Variants in RHOT1 observed in about 807,000 individuals in gnomAD.
The protein encoded by RHOT1 is ras homolog family member T1.
Under a neutral mutation model 95.3 loss-of-function variants are expected in RHOT1, and 27 were observed. The ratio of observed to expected loss-of-function variants is 0.28; its 90% CI spans 0.21 to 0.39. RHOT1 has a LOEUF of 0.39. Among genes scored for constraint, RHOT1 ranks in the 10% least tolerant of loss-of-function variants. RHOT1 has a pLI of 1.00. For synonymous variants in RHOT1, 227 were observed against 263.5 expected (o/e 0.86, Z 1.34); for missense variants, 578 against 786.7 (o/e 0.73, Z 3.17).
chr17:32,188,374 T>G (rs1301211292), intron 8 of RHOT1, among the ~76,000 whole-genome samples: 1 of 152,238 alleles, frequency 6.6e-6, no homozygotes, highest in Non-Finnish European at 1.5e-5. Flanking sequence ...TGGAATTGAT[T>G]AATCTGCAGT....
At chr17:32,209,431 T>C in intron 18 of RHOT1, 2 of 1,602,612 alleles carry the variant, frequency 1.2e-6, no homozygotes, top group Non-Finnish European at 1.7e-6. Context: ...TCTGGGTCTT[T>C]CTAAAAACTG....
At chr17:32,200,863 C>A (rs1238162591) in intron 13 of RHOT1, 93 bp from the exon 14 acceptor site, 2 of 812,090 alleles carry the variant, frequency 2.5e-6, no homozygotes, top group Admixed American at 2.0e-5. Flanking sequence ...TTATCTAGGT[C>A]TGGTGCATAA....
chr17:32,214,165 G>C (rs1471234397), intron 19 of RHOT1, among the ~76,000 whole-genome samples: 1 of 152,142 alleles, frequency 6.6e-6, no homozygotes, highest in Non-Finnish European at 1.5e-5. Flanking sequence ...AGTAAGATAG[G>C]TAGGTGGGGG....
At chr17:32,165,522 C>CA (rs113306708) in intron 1 of RHOT1, among the ~76,000 whole-genome samples, 8,983 of 134,782 alleles carry the variant, frequency 0.067, 878 homozygotes, top group African/African-American at 0.22. Context: ...GACCCTGTCT[C>CA]AAAAAAAAAA....
At chr17:32,162,508 C>T (rs936441412) in intron 1 of RHOT1, among the ~76,000 whole-genome samples, 8 of 152,308 alleles carry the variant, frequency 5.3e-5, no homozygotes, top group Non-Finnish European at 8.8e-5. Flanking sequence ...CCCAGTTCTC[C>T]GGTTGCTGTT....
chr17:32,174,047 AT>A (rs1166732850), intron 3 of RHOT1, 135 bp downstream of exon 3: 26 of 667,762 alleles, frequency 3.9e-5, no homozygotes, highest in Non-Finnish European at 6.6e-5. Context: ...TACGATTCTT[AT>A]CTCATTTATG....
At chr17:32,196,789 C>G (rs915140588) in intron 11 of RHOT1, among the ~76,000 whole-genome samples, 2 of 152,142 alleles carry the variant, frequency 1.3e-5, no homozygotes, top group Non-Finnish European at 2.9e-5. Flanking sequence ...TCCCTAGCAT[C>G]CTTGGCTTGC....
At chr17:32,204,095 T>TA (rs2037523641) in intron 16 of RHOT1, 122 bp downstream of exon 16, 1 of 695,334 alleles carries the variant, frequency 1.4e-6, no homozygotes, top group Non-Finnish European at 2.3e-6. Flanking sequence ...ATTTTTTTTT[T>TA]ATTTAATTTT....
chr17:32,203,292 T>C (rs2037466910), intron 15 of RHOT1, among the ~76,000 whole-genome samples: 1 of 147,478 alleles, frequency 6.8e-6, no homozygotes, highest in Non-Finnish European at 1.5e-5. Flanking sequence ...TTTTTTTTTT[T>C]TGAGGCGAGG....
chr17:32,169,162 C>T (rs2034363859), intron 1 of RHOT1, among the ~76,000 whole-genome samples: 1 of 152,104 alleles, frequency 6.6e-6, no homozygotes, highest in Admixed American at 6.5e-5. Flanking sequence ...CATTATTTTC[C>T]CAGAGACTGG....
intron 19 of RHOT1, among the ~76,000 whole-genome samples, chr17:32,218,434 G>A (rs1298379132): frequency 6.6e-6 from 1 of 151,684 alleles, no homozygotes; most frequent in Non-Finnish European, 1.5e-5. Flanking sequence ...TTGAGCCCAG[G>A]AGGTCAAAGC....
At chr17:32,194,197 C>T in intron 11 of RHOT1, 90 bp downstream of exon 11, 1 of 1,371,228 alleles carries the variant, frequency 7.3e-7, no homozygotes, top group South Asian at 1.3e-5. Flanking sequence ...GTCTTGAACT[C>T]CTGAGTCAAG....
intron 8 of RHOT1, among the ~76,000 whole-genome samples, chr17:32,185,743 C>G (rs1157342826): frequency 2.3e-5 from 3 of 129,612 alleles, no homozygotes; most frequent in Non-Finnish European, 4.7e-5. Context: ...AATTTAGAGA[C>G]AAGATCTTAC....
intron 6 of RHOT1, among the ~76,000 whole-genome samples, chr17:32,181,644 A>T (rs182390257): frequency 6.6e-6 from 1 of 152,294 alleles, no homozygotes; most frequent in East Asian, 1.9e-4. Flanking sequence ...GTCTTGTTTC[A>T]TCTATTACCC....
chr17:32,221,937 T>A (rs1161954959), intron 19 of RHOT1, among the ~76,000 whole-genome samples: 5 of 152,156 alleles, frequency 3.3e-5, no homozygotes, highest in South Asian at 2.1e-4. Flanking sequence ...TTCATCTCTA[T>A]CAACAAACAA....
rs141477646 is a variant in RHOT1, at chr17:32,202,205, C to T, written c.1202-565C>T. Among the ~76,000 whole-genome samples the T allele has an allele frequency of 2.8e-3, 429 of 152,216 alleles. 1 individual carries two copies. Among genetic ancestry groups the T allele is most frequent in the African/African-American group, 9.5e-3 (395 of 41,522 alleles). ...GATTACACGCGTGAGCCACTGCACC[C>T]GGCTCTAAGAAGGTCTCTTTACCTC... On this transcript the variant is annotated intron_variant, in intron 14 of 19. Coordinates refer to ENST00000545287, the MANE Select transcript of RHOT1 (RefSeq NM_001033566.3).
At chr17:32,170,776 G>A (rs879291690) in intron 1 of RHOT1, among the ~76,000 whole-genome samples, 4 of 152,162 alleles carry the variant, frequency 2.6e-5, no homozygotes, top group Non-Finnish European at 4.4e-5. Flanking sequence ...ATAAGTATAG[G>A]AAAAATCTGG....
At chr17:32,188,001 T>C (rs1306578113) in intron 8 of RHOT1, among the ~76,000 whole-genome samples, 2 of 152,256 alleles carry the variant, frequency 1.3e-5, no homozygotes, top group African/African-American at 4.8e-5. Context: ...TTTTATGTTA[T>C]CTGTGGCTGT....
At chr17:32,159,903 CG>C (rs1270844667) in intron 1 of RHOT1, 1 of 152,450 alleles carries the variant, frequency 6.6e-6, no homozygotes, top group Non-Finnish European at 1.5e-5. Flanking sequence ...GCCTGAAGCC[CG>C]GGGGCTGGGT....
Sources: allele counts gnomAD v4.1 joint callset (sites outside exome capture counted in the v4.1 genomes callset), GRCh38; gene constraint gnomAD v4.1.1; transcripts MANE v1.5; gene names NCBI Gene and HGNC (gene_info 2026-07-23, HGNC 2026-07-21).